PAM: variants seen among roughly 807,000 people sequenced by gnomAD.
PAM encodes the protein peptidylglycine alpha-amidating monooxygenase.
PAM carries 72 observed loss-of-function variants against 122.1 expected under a neutral mutation model. The observed-to-expected ratio is 0.59, with a 90% CI of 0.49 to 0.72. The LOEUF (loss-of-function observed/expected upper bound fraction) is 0.72, where lower values mean the gene tolerates loss of function less well. PAM is among the 30% of genes least tolerant of loss of function. The probability of loss-of-function intolerance (pLI) is 0.00; values close to 1 mark genes in which losing one functional copy is unlikely to be tolerated. For synonymous variants in PAM, 389 were observed against 404.4 expected, an observed-to-expected ratio of 0.96 and a Z score of 0.46; for missense variants, 1,106 against 1,183.7, an observed-to-expected ratio of 0.93 and a Z score of 0.96.
At chr5:102,832,273 G>A (rs190570590) in intron 1 of PAM, among the ~76,000 whole-genome samples, 20 of 152,056 alleles carry the variant, frequency 1.3e-4, no homozygotes, top group Non-Finnish European at 2.6e-4. Context: ...GACATTGATC[G>A]TACCCATAGC....
At chr5:102,837,862 C>T (rs1777516597) in intron 1 of PAM, 2 of 152,204 alleles carry the variant, frequency 1.3e-5, no homozygotes, top group African/African-American at 4.8e-5. Flanking sequence ...TAAATTATAA[C>T]ATAACTCTGA....
intron 1 of PAM, among the ~76,000 whole-genome samples, chr5:102,784,823 A>T (rs1241504350): frequency 6.6e-6 from 1 of 152,126 alleles, no homozygotes; most frequent in Non-Finnish European, 1.5e-5. Context: ...TATTGTTGTT[A>T]TTCGTTTACT....
intron 3 of PAM, among the ~76,000 whole-genome samples, chr5:102,880,961 A>T (rs1218595847): frequency 6.6e-6 from 1 of 152,040 alleles, no homozygotes; most frequent in East Asian, 1.9e-4. Flanking sequence ...GATAAAAGGA[A>T]TTTTTAGACA....
chr5:102,845,419 T>A (rs1160500617), intron 1 of PAM, among the ~76,000 whole-genome samples: 1 of 152,214 alleles, frequency 6.6e-6, no homozygotes, highest in African/African-American at 2.4e-5. Flanking sequence ...GTTAAAGTGA[T>A]GCCGTGTGGT....
intron 7 of PAM, among the ~76,000 whole-genome samples, chr5:102,929,845 CATT>C (rs1406361544): frequency 1.3e-5 from 2 of 151,088 alleles, no homozygotes; most frequent in Non-Finnish European, 2.9e-5. Context: ...TTTCTTAAAA[CATT>C]ATGAGATGTT....
intron 4 of PAM, among the ~76,000 whole-genome samples, chr5:102,902,766 G>A (rs953997818): frequency 7.3e-5 from 11 of 151,332 alleles, no homozygotes; most frequent in African/African-American, 2.7e-4. Flanking sequence ...TTCAGGGGTT[G>A]TTTTGAGTCC....
intron 1 of PAM, among the ~76,000 whole-genome samples, chr5:102,800,239 T>A (rs1466878934): frequency 2.0e-5 from 3 of 152,170 alleles, no homozygotes; most frequent in African/African-American, 7.2e-5. Context: ...TTCCTTCCCC[T>A]TATTCAAATG....
At chr5:102,812,814 A>G (rs969643833) in intron 1 of PAM, among the ~76,000 whole-genome samples, 2 of 152,168 alleles carry the variant, frequency 1.3e-5, no homozygotes, top group Non-Finnish European at 2.9e-5. Flanking sequence ...ATAATGAAAT[A>G]GCAATCTATC....
chr5:102,994,241 T>C (rs1215417031), intron 16 of PAM, among the ~76,000 whole-genome samples: 1 of 152,144 alleles, frequency 6.6e-6, no homozygotes, highest in African/African-American at 2.4e-5. Flanking sequence ...GCTTTCCAAT[T>C]ATGGGACCCA....
intron 1 of PAM, chr5:102,837,639 A>G (rs1777461576): frequency 6.6e-6 from 1 of 152,242 alleles, no homozygotes; most frequent in Non-Finnish European, 1.5e-5. Flanking sequence ...AAGGTACATT[A>G]ATCACTAGTT....
chr5:102,983,824 G>A (rs770305785), intron 15 of PAM, among the ~76,000 whole-genome samples: 14 of 152,136 alleles, frequency 9.2e-5, no homozygotes, highest in Middle Eastern at 3.4e-3. Context: ...AACCCCCTTC[G>A]GACTAACAGC....
chr5:102,780,183 A>G (rs958804366), intron 1 of PAM, among the ~76,000 whole-genome samples: 1 of 151,932 alleles, frequency 6.6e-6, no homozygotes, highest in African/African-American at 2.4e-5. Flanking sequence ...CATCTGGGTT[A>G]TCAAATTTTA....
chr5:103,028,542 G>A (rs1336486071), intron 25 of PAM, among the ~76,000 whole-genome samples: 2 of 152,146 alleles, frequency 1.3e-5, no homozygotes, highest in Admixed American at 6.5e-5. Flanking sequence ...GCATGTCAAT[G>A]TTTGTCATAG....
In PAM at chr5:103,006,873, G is replaced by T; in HGVS notation, c.1876G>T (p.Asp626Tyr). 6.2e-7 allele frequency: 1 copy of T among 1,613,954 alleles called. No homozygotes were observed. Among genetic ancestry groups the T allele is most frequent in the East Asian group, 2.2e-5 (1 of 44,882 alleles). Reference sequence around the variant, plus strand: ...GGGAAGGAGCATGCAACCAGGCAGTGACCAGAATCACTTCTGTCAACCCAC... The same window carrying T: ...GGGAAGGAGCATGCAACCAGGCAGTTACCAGAATCACTTCTGTCAACCCAC... ...ILGRSMQPGS[D>Y]QNHFCQPTDV... The change falls in exon 19 of 26, where the codon GAC becomes TAC. Residue 626 changes from aspartate (D) to tyrosine (Y), a missense_variant. Physicochemically the swap from Asp to Tyr is radical, Grantham distance 160 (BLOSUM62 -3). Transcript: ENST00000438793.
intron 3 of PAM, among the ~76,000 whole-genome samples, chr5:102,895,471 A>G (rs1795953744): frequency 6.6e-6 from 1 of 151,772 alleles, no homozygotes; most frequent in Non-Finnish European, 1.5e-5. Context: ...ATGGATGGGT[A>G]GAAGAATGGC....
At chr5:102,807,543 G>C (rs573147294) in intron 1 of PAM, among the ~76,000 whole-genome samples, 6 of 152,152 alleles carry the variant, frequency 3.9e-5, no homozygotes, top group Non-Finnish European at 4.4e-5. Context: ...TAGGCAATTC[G>C]CTGGAGGTGT....
At chr5:103,001,937 C>G (rs1273681187) in intron 16 of PAM, among the ~76,000 whole-genome samples, 2 of 152,002 alleles carry the variant, frequency 1.3e-5, no homozygotes, top group African/African-American at 4.8e-5. Context: ...TTGCCTGATG[C>G]TATAAAGGCA....
chr5:102,762,148 C>T (rs1156873673), intron 1 of PAM, among the ~76,000 whole-genome samples: 2 of 152,140 alleles, frequency 1.3e-5, no homozygotes, highest in African/African-American at 4.8e-5. Flanking sequence ...CCCCAAATTC[C>T]CCTTCCTCAG....
At chr5:102,799,922 C>T (rs187765572) in intron 1 of PAM, among the ~76,000 whole-genome samples, 286 of 152,316 alleles carry the variant, frequency 1.9e-3, no homozygotes, top group Non-Finnish European at 2.7e-3. Context: ...TGGTTATCCA[C>T]AACAATGTTT....
Sources: gnomAD v4.1 joint callset for allele counts (sites outside exome capture counted in the v4.1 genomes callset) on GRCh38, gnomAD v4.1.1 for gene constraint, MANE v1.5 for transcripts, NCBI Gene and HGNC (gene_info 2026-07-23, HGNC 2026-07-21) for gene names.